Variants in TNMD observed in about 807,000 individuals in gnomAD.
TNMD encodes the protein tenomodulin.
A neutral mutation model predicts 26.9 loss-of-function variants in TNMD; 15 were observed. The ratio of observed to expected loss-of-function variants is 0.56; its 90% CI spans 0.37 to 0.86. The LOEUF (loss-of-function observed/expected upper bound fraction) is 0.86. TNMD is among the 40% of genes least tolerant of loss of function. TNMD has a pLI of 0.00. For synonymous variants in TNMD, 73 were observed against 77.0 expected (o/e 0.95, Z 0.27); for missense variants, 222 against 242.6 (o/e 0.92, Z 0.56).
At chrX:100,593,740 A>G (rs1362876476) in intron 2 of TNMD, 155 bp from the exon 3 acceptor site, 2 of 538,483 alleles carry the variant, frequency 3.7e-6, no homozygotes, top group Non-Finnish European at 5.7e-6. Context: ...GCTGCCAAGA[A>G]AACTGTTGGA....
chrX:100,599,402 A>G, intron 6 of TNMD, 106 bp from the exon 7 acceptor site: 1 of 762,416 alleles, frequency 1.3e-6, no homozygotes, highest in African/African-American at 2.1e-5. Flanking sequence ...TTAATTTCTC[A>G]CAAGCCCCCA....
chrX:100,590,205 T>C (rs945381925), intron 2 of TNMD, among the ~76,000 whole-genome samples: 1 of 111,860 alleles, frequency 8.9e-6, no homozygotes, highest in Admixed American at 9.5e-5. Flanking sequence ...CCTTCCAGCC[T>C]AACACCTGCT....
intron 2 of TNMD, among the ~76,000 whole-genome samples, chrX:100,586,880 C>T (rs1019557777): frequency 8.9e-6 from 1 of 111,759 alleles, no homozygotes; most frequent in Admixed American, 9.5e-5. Context: ...ATTCTGGTAC[C>T]ACTTAGCTAA....
chrX:100,584,948 T>TG lies in TNMD; in HGVS notation c.-70dup. 9.5e-7 allele frequency: 1 copy of TG among 1,057,523 alleles called. No individual in the cohort carries two copies. Among genetic ancestry groups the TG allele is most frequent in the Non-Finnish European group, 1.3e-6 (1 of 778,374 alleles). 87.2% of individuals were successfully genotyped at this position (1,057,523 alleles called of 1,213,427 possible). ...TCTGGCATCTGTTAGCCGACTCACT[T>TG]GCAACTCCACCTCAGCAGTGGTCTC... is the stretch of plus-strand genomic sequence containing the variant. On this transcript the variant is annotated 5_prime_UTR_variant, in exon 1 of 7. Transcript: ENST00000373031.
At position 100,597,669 on chromosome X, in the gene TNMD, T is replaced by C. The variant is rs1182973599; in HGVS notation, c.577+12T>C. The C allele has an allele frequency of 2.5e-6, 3 of 1,194,933 alleles. No homozygotes were observed. Among genetic ancestry groups the C allele is most frequent in the African/African-American group, 3.5e-5 (2 of 56,941 alleles). On this transcript the variant is annotated intron_variant, in intron 5 of 6. Transcript: ENST00000373031. Reference sequence around the variant, plus strand: ...CACTCTAATATCAGGTATGACATTCTTATCCTCATCCTCCTCCTATTTTCT... The same window carrying C: ...CACTCTAATATCAGGTATGACATTCCTATCCTCATCCTCCTCCTATTTTCT...
In TNMD at chrX:100,593,827, C is replaced by T. The variant is rs747058779; in HGVS notation, c.181-68C>T. 6.1e-4 allele frequency: 676 copies of T among 1,116,169 alleles called. 2 individuals are homozygous for T. Among genetic ancestry groups the T allele is most frequent in the Non-Finnish European group, 7.7e-4 (640 of 829,656 alleles). 92.0% of individuals were successfully genotyped at this position (1,116,169 alleles called of 1,213,427 possible). ...GAAGGGATCCCCATATCAGCTCCAG[C>T]GCCAAAAAGCACCTCACTTTAGGGA... On this transcript the variant is annotated intron_variant, in intron 2 of 6. Coordinates refer to ENST00000373031, the MANE Select transcript of TNMD (RefSeq NM_022144.3).
chrX:100,593,883 CTG>C lies in TNMD; in HGVS notation c.181-10_181-9del. 4 of 1,207,951 alleles carry C rather than the reference CTG, an allele frequency of 3.3e-6. No individual in the cohort carries two copies. The South Asian group carries it at 7.1e-5, about 22-fold the overall frequency. The stretch of plus-strand genomic sequence containing the variant: ...TGAGTATCTTAGAGATTGTTTTCCT[CTG>C]TTCTCCCAGGCCTATGACATGGAGC... On this transcript the variant is annotated splice_polypyrimidine_tract_variant and intron_variant, in intron 2 of 6. Transcript: ENST00000373031.
intron 2 of TNMD, among the ~76,000 whole-genome samples, chrX:100,587,909 G>A (rs770411530): frequency 1.8e-5 from 2 of 111,395 alleles, no homozygotes; most frequent in South Asian, 7.7e-4. Flanking sequence ...GGCTCTTTGG[G>A]CTTTCCTTAA....
At chrX:100,586,625 G>A (rs1325015651) in intron 2 of TNMD, among the ~76,000 whole-genome samples, 1 of 111,549 alleles carries the variant, frequency 9.0e-6, no homozygotes, top group African/African-American at 3.3e-5. Context: ...GAGCAAGCCA[G>A]CCTACTTTGT....
chrX:100,595,698 A>G (rs945314548), intron 4 of TNMD, among the ~76,000 whole-genome samples: 3 of 110,607 alleles, frequency 2.7e-5, no homozygotes, highest in African/African-American at 9.9e-5. Context: ...CAGAGGAGTT[A>G]CAGACCCTTG....
intron 4 of TNMD, among the ~76,000 whole-genome samples, chrX:100,594,706 T>A (rs1438690768): frequency 3.6e-5 from 4 of 112,034 alleles, no homozygotes; most frequent in African/African-American, 6.5e-5. Context: ...GTAAGAGGGA[T>A]GAGCCAGAGA....
rs140603041 is a variant in TNMD at position 100,587,278 on chromosome X, T to C, written c.180+1916T>C. Among the ~76,000 whole-genome samples, 726 of 112,418 alleles carry C rather than the reference T, an allele frequency of 6.5e-3. 2 individuals are homozygous for C. Among genetic ancestry groups the C allele is most frequent in the Non-Finnish European group, 0.012 (624 of 53,259 alleles). On this transcript the variant is annotated intron_variant, in intron 2 of 6. Coordinates refer to ENST00000373031, the MANE Select transcript of TNMD (RefSeq NM_022144.3). ...ATATCATCTTTACATCTCATTCTAG[T>C]TCTGTTTTTAATGATTATAAGGAGC...
chrX:100,597,741 T>C (rs2082957057), intron 5 of TNMD, 84 bp downstream of exon 5: 6 of 984,043 alleles, frequency 6.1e-6, no homozygotes, highest in Non-Finnish European at 8.6e-6. Flanking sequence ...GCTACATTTC[T>C]AGGAAAACAA....
At chrX:100,589,509 G>T (rs5966709) in intron 2 of TNMD, among the ~76,000 whole-genome samples, 43,942 of 110,195 alleles carry the variant, frequency 0.4, 6,692 homozygotes, top group African/African-American at 0.51. Flanking sequence ...GAGCCAGGCT[G>T]TGGCTGTGAT....
chrX:100,597,462 T>A (rs748166762), intron 4 of TNMD, 42 bp from the exon 5 acceptor site: 17 of 1,195,140 alleles, frequency 1.4e-5, no homozygotes, highest in Non-Finnish European at 1.8e-5. Context: ...GTTCTACTAA[T>A]TTCTCTGCCA....
At chrX:100,593,334 G>C in intron 2 of TNMD, 5 of 753,906 alleles carry the variant, frequency 6.6e-6, no homozygotes, top group Non-Finnish European at 7.8e-6. Context: ...GCCGTATAAA[G>C]AGAAGGCTAA....
At chrX:100,585,966 G>A (rs1011880144) in intron 2 of TNMD, among the ~76,000 whole-genome samples, 57 of 112,005 alleles carry the variant, frequency 5.1e-4, no homozygotes, top group Non-Finnish European at 5.5e-4. Flanking sequence ...AGAAGCATGC[G>A]ACACCAAGTC....
intron 4 of TNMD, 42 bp downstream of exon 4, chrX:100,594,404 A>G (rs755019771): frequency 1.1e-6 from 1 of 880,643 alleles, no homozygotes; most frequent in Non-Finnish European, 1.6e-6. Flanking sequence ...GACATCATTT[A>G]TTGGATGCTA....
intron 2 of TNMD, 38 bp downstream of exon 2, chrX:100,585,400 T>G (rs774646363): frequency 1.1e-5 from 12 of 1,137,393 alleles, no homozygotes; most frequent in Middle Eastern, 2.4e-4. Context: ...GCTTCTGTTC[T>G]GAGTTTGATT....
Sources: gnomAD v4.1 joint callset for allele counts (sites outside exome capture counted in the v4.1 genomes callset) on GRCh38, gnomAD v4.1.1 for gene constraint, MANE v1.5 for transcripts, NCBI Gene and HGNC (gene_info 2026-07-23, HGNC 2026-07-21) for gene names.